TPTE2: variants seen among roughly 807,000 people sequenced by gnomAD.
TPTE2 encodes the protein phosphatidylinositol 3,4,5-trisphosphate 3-phosphatase TPTE2.
In TPTE2, 53 loss-of-function variants were observed where a neutral mutation model predicts 78.6. The ratio of observed to expected loss-of-function variants is 0.67; its 90% CI spans 0.54 to 0.85. The LOEUF is 0.85. Ranked by LOEUF, TPTE2 falls within the 40% of genes least tolerant of loss-of-function variation. TPTE2 has a pLI of 0.00. For synonymous variants in TPTE2, 175 were observed against 206.2 expected, an observed-to-expected ratio of 0.85 and a Z score of 1.30; for missense variants, 461 against 623.0, an observed-to-expected ratio of 0.74 and a Z score of 2.77.
intron 1 of TPTE2, among the ~76,000 whole-genome samples, chr13:19,533,040 T>C (rs1454134241): frequency 6.6e-6 from 1 of 152,192 alleles, no homozygotes; most frequent in African/African-American, 2.4e-5. Context: ...AGTAAATGCT[T>C]AACAAATTAA....
chr13:19,530,685 T>C (rs763741778), intron 1 of TPTE2, among the ~76,000 whole-genome samples: 11 of 152,072 alleles, frequency 7.2e-5, no homozygotes, highest in Middle Eastern at 3.4e-3. Context: ...GCTGGGACCA[T>C]AGGCGCACAC....
chr13:19,558,965 C>G, the TPTE2 span, among the ~76,000 whole-genome samples: 6 of 152,046 alleles, frequency 3.9e-5, no homozygotes, highest in African/African-American at 1.5e-4. Flanking sequence ...TAATAAAAAC[C>G]TGTTAAAATT....
intron 1 of TPTE2, among the ~76,000 whole-genome samples, chr13:19,520,961 G>T (rs957270163): frequency 1.3e-5 from 2 of 151,894 alleles, no homozygotes; most frequent in Non-Finnish European, 2.9e-5. Context: ...AACATGCTTT[G>T]TATGATTTAA....
At chr13:19,506,203 G>A (rs1308448983), upstream of TPTE2, among the ~76,000 whole-genome samples, 8 of 66,654 alleles carry the variant, frequency 1.2e-4, no homozygotes, top group Admixed American at 1.6e-3. Flanking sequence ...ACGGAGTCTC[G>A]CTCTGTCGCC....
At chr13:19,518,107 A>C (rs1376901941) in intron 1 of TPTE2, among the ~76,000 whole-genome samples, 1 of 152,230 alleles carries the variant, frequency 6.6e-6, no homozygotes, top group African/African-American at 2.4e-5. Flanking sequence ...TCACTAAAAT[A>C]GACAAAGTTG....
At chr13:19,467,450 T>C in intron 6 of TPTE2, 106 bp from the exon 10 acceptor site, 2 of 804,608 alleles carry the variant, frequency 2.5e-6, no homozygotes, top group Non-Finnish European at 3.6e-6. Flanking sequence ...AGAATTCTAC[T>C]ATCATGAATT....
chr13:19,503,889 C>T (rs1393472048), upstream of TPTE2, among the ~76,000 whole-genome samples: 11 of 152,058 alleles, frequency 7.2e-5, no homozygotes, highest in African/African-American at 1.2e-4. Flanking sequence ...TACAGGCGCC[C>T]GCCACCACGC....
the TPTE2 span, among the ~76,000 whole-genome samples, chr13:19,545,133 TA>T: frequency 6.6e-6 from 1 of 151,836 alleles, no homozygotes; most frequent in Non-Finnish European, 1.5e-5. Flanking sequence ...AGTAAAACTG[TA>T]AAAGATGAAA....
At chr13:19,469,338 T>C (rs1443759424) in intron 6 of TPTE2, among the ~76,000 whole-genome samples, 1 of 152,142 alleles carries the variant, frequency 6.6e-6, no homozygotes, top group African/African-American at 2.4e-5. Context: ...ACTGTAAGTG[T>C]GTGTGGATTT....
intron 1 of TPTE2, among the ~76,000 whole-genome samples, chr13:19,496,573 G>T (rs1385924438): frequency 6.6e-6 from 1 of 152,202 alleles, no homozygotes; most frequent in East Asian, 1.9e-4. Context: ...TTGTGTTTGT[G>T]TTTTAGCACC....
chr13:19,555,156 G>GT, the TPTE2 span, among the ~76,000 whole-genome samples: 1 of 152,164 alleles, frequency 6.6e-6, no homozygotes, highest in Non-Finnish European at 1.5e-5. Flanking sequence ...TCCTTGACAT[G>GT]TATGTACTAG....
intron 10 of TPTE2, among the ~76,000 whole-genome samples, chr13:19,453,927 T>C (rs1878365184): frequency 6.6e-6 from 1 of 152,182 alleles, no homozygotes; most frequent in Non-Finnish European, 1.5e-5. Context: ...AAATGCTGTC[T>C]CCTCTTAGAA....
intron 3 of TPTE2, among the ~76,000 whole-genome samples, chr13:19,484,633 T>C (rs531286853): frequency 1.3e-5 from 2 of 152,336 alleles, no homozygotes; most frequent in Admixed American, 1.3e-4. Flanking sequence ...TCACTTTATA[T>C]ATCTAGGTGC....
upstream of TPTE2, among the ~76,000 whole-genome samples, chr13:19,507,304 T>TAA (rs370011146): frequency 0.2 from 22,347 of 111,922 alleles, 2,940 homozygotes; most frequent in African/African-American, 0.35. Flanking sequence ...CTAGCTGTTC[T>TAA]AAAAAAAAAA....
intron 10 of TPTE2, among the ~76,000 whole-genome samples, chr13:19,464,048 CG>C (rs1036709889): frequency 2.0e-5 from 3 of 151,846 alleles, no homozygotes; most frequent in East Asian, 1.9e-4. Context: ...CCTTGGGCCT[CG>C]GGGGGGTGCA....
intron 1 of TPTE2, among the ~76,000 whole-genome samples, chr13:19,497,983 T>A (rs1417515135): frequency 6.6e-6 from 1 of 151,006 alleles, no homozygotes; most frequent in African/African-American, 2.4e-5. Context: ...AAACCAAGGC[T>A]CGAGAACTAC....
At chr13:19,501,721 C>T (rs1390243349) in intron 1 of TPTE2, among the ~76,000 whole-genome samples, 2 of 151,602 alleles carry the variant, frequency 1.3e-5, no homozygotes, top group Non-Finnish European at 2.9e-5. Context: ...CTAGGCATTA[C>T]CATTCAGGAC....
chr13:19,515,404 C>T (rs185341353), intron 1 of TPTE2, among the ~76,000 whole-genome samples: 3 of 152,182 alleles, frequency 2.0e-5, no homozygotes, highest in Non-Finnish European at 4.4e-5. Context: ...AGTTCTCCTA[C>T]ACAAACTAAT....
At chr13:19,530,483 G>A (rs1241869993) in intron 1 of TPTE2, among the ~76,000 whole-genome samples, 1 of 152,110 alleles carries the variant, frequency 6.6e-6, no homozygotes, top group African/African-American at 2.4e-5. Context: ...TCTTTGGCTC[G>A]AGAACAGAAC....
Sources: gnomAD v4.1 joint callset for allele counts (sites outside exome capture counted in the v4.1 genomes callset) on GRCh38, gnomAD v4.1.1 for gene constraint, MANE v1.5 for transcripts, NCBI Gene and HGNC (gene_info 2026-07-23, HGNC 2026-07-21) for gene names.